The following RAVER1 variants were observed in gnomAD, a reference collection of about 807,000 sequenced individuals.
RAVER1 encodes ribonucleoprotein PTB-binding 1.
Under a neutral mutation model 68.4 loss-of-function variants are expected in RAVER1, and 36 were observed. That is an observed-to-expected ratio of 0.53 (90% CI 0.40 to 0.70). RAVER1 has a LOEUF of 0.70. RAVER1 is among the 30% of genes least tolerant of loss of function. The probability of loss-of-function intolerance (pLI) is 0.00; values close to 1 mark genes in which losing one functional copy is unlikely to be tolerated. For synonymous variants in RAVER1, 469 were observed against 472.7 expected, an observed-to-expected ratio of 0.99 and a Z score of 0.10; for missense variants, 933 against 1,019.8, an observed-to-expected ratio of 0.91 and a Z score of 1.16.
Position 10,328,216 on chromosome 19 carries a change from G to C in RAVER1, c.756+426C>G, listed in dbSNP as rs781095300. 1.5e-4 allele frequency among the ~76,000 whole-genome samples: 23 copies of C among 152,174 alleles called. No homozygotes were observed. Among genetic ancestry groups the C allele is most frequent in the Non-Finnish European group, 3.2e-4 (22 of 68,036 alleles). Reference sequence around the variant, plus strand: ...AGCCTCGAGATCCATAGTTACAAGAGTGGCCTTGCATGCATCTGATAGAGG... The same window carrying C: ...AGCCTCGAGATCCATAGTTACAAGACTGGCCTTGCATGCATCTGATAGAGG... On this transcript the variant is annotated intron_variant, in intron 3 of 12. Transcript: ENST00000617231. This position sits in a 1 kb window ranked among gnomAD's most constrained non-coding sequence, Gnocchi z 4.4.
chr19:10,324,002 G>C (rs1478804145), intron 3 of RAVER1, among the ~76,000 whole-genome samples: 1 of 152,060 alleles, frequency 6.6e-6, no homozygotes, highest in Non-Finnish European at 1.5e-5. Flanking sequence ...TACAAAATTA[G>C]CCAGGCGTGG....
rs2040400915 is a variant in RAVER1 at position 10,317,631 on chromosome 19, AGGGGCCGCTGG to A, written c.2074-42_2074-32del. On this transcript the variant is annotated intron_variant, in intron 12 of 12. Coordinates refer to ENST00000617231, the MANE Select transcript of RAVER1 (RefSeq NM_133452.3). This position sits in a 1 kb window ranked among gnomAD's most constrained non-coding sequence, Gnocchi z 4.3. ...GACAGAGGGCAGGGCGGGGCGGGTCAGGGGCCGCTGGGGGGCCGGGGCTTCCCAGCCCTGCA... is the reference window on the plus strand; with the variant it reads ...GACAGAGGGCAGGGCGGGGCGGGTCAGGGGCCGGGGCTTCCCAGCCCTGCA... 1.4e-6 allele frequency: 2 copies of A among 1,456,388 alleles called. No homozygotes were observed. Among genetic ancestry groups the A allele is most frequent in the Non-Finnish European group, 1.9e-6 (2 of 1,058,418 alleles). The allele number at this position is 1,456,388 out of a possible 1,614,324, so 90.2% of individuals were successfully genotyped here.
intron 1 of RAVER1, among the ~76,000 whole-genome samples, chr19:10,332,600 G>A (rs1233212324): frequency 6.6e-6 from 1 of 152,194 alleles, no homozygotes; most frequent in East Asian, 1.9e-4. Context: ...GGGCAGTATA[G>A]ATGCCATTTC....
chr19:10,316,572 C>CA lies in RAVER1; in HGVS notation c.*881dup, dbSNP rs2040389466. 1.3e-5 allele frequency: 13 copies of CA among 987,066 alleles called. No homozygotes were observed. In the African/African-American group the frequency reaches 2.1e-4, roughly 16 times the overall value. The allele number at this position is 987,066 out of a possible 1,614,324, so 61.1% of individuals were successfully genotyped here. ...GGGCACAATGTCCGACTCCCACAGA[C>CA]AGACAGCAGGGGACTGGCAGAGAAA... On this transcript the variant is annotated 3_prime_UTR_variant, in exon 13 of 13. Transcript: ENST00000617231.
Position 10,317,382 on chromosome 19 carries a change from C to A in RAVER1, c.*72G>T. The A allele has an allele frequency of 2.0e-6, 3 of 1,507,252 alleles. No individual in the cohort carries two copies. Among genetic ancestry groups the A allele is most frequent in the African/African-American group, 2.8e-5 (2 of 72,022 alleles). The allele number at this position is 1,507,252 out of a possible 1,614,324, so 93.4% of individuals were successfully genotyped here. ...AAGAGAGAAAATGGTTTAAAAAAAA[C>A]ACAAAACAAAACATCAGAAAACCCA... On this transcript the variant is annotated 3_prime_UTR_variant, in exon 13 of 13. Coordinates refer to ENST00000617231, the MANE Select transcript of RAVER1 (RefSeq NM_133452.3). The surrounding 1 kb of genome is among the most constrained non-coding windows in gnomAD (Gnocchi z 4.3).
rs182889318 is a variant in RAVER1, at chr19:10,316,622, G to C, written c.*832C>G. 2.4e-5 allele frequency: 23 copies of C among 969,928 alleles called. No individual in the cohort carries two copies. In the East Asian group the frequency reaches 7.9e-4, roughly 33 times the overall value. The allele number at this position is 969,928 out of a possible 1,614,324, so 60.1% of individuals were successfully genotyped here. A position where few individuals can be genotyped will look rare whatever the true frequency, so the allele number is the denominator to read the frequency against. On this transcript the variant is annotated 3_prime_UTR_variant, in exon 13 of 13. Coordinates refer to ENST00000617231, the MANE Select transcript of RAVER1 (RefSeq NM_133452.3). ...AGCCCATCTCTGCACGGAGGCCCGG[G>C]TAGGAGGGGGTGGTGGGGCCGGTTC...
At position 10,318,342 on chromosome 19, in the gene RAVER1, G is replaced by A. The variant is rs760988086; in HGVS notation, c.1876C>T (p.Arg626Trp). ...MSPPPSGFGE[R>W]SSGGSGGGPL... is the part of the protein sequence containing the mutation. The stretch of plus-strand genomic sequence containing the variant: ...CCCCCGCCACTCCCACCGCTGCTCC[G>A]TTCGCCGAAGCCACTGGGCGGGGGG... Residue 626 changes from arginine to tryptophan, a missense_variant, in exon 11 of 13, where the codon CGG becomes TGG. Arg to Trp is a moderately radical substitution (Grantham distance 101). This residue lies in a region of RAVER1 where 699 missense variants were observed against 731.1 expected (regional missense o/e 0.96). Coordinates refer to ENST00000617231, the MANE Select transcript of RAVER1 (RefSeq NM_133452.3). 18 of 1,601,968 alleles carry A rather than the reference G, an allele frequency of 1.1e-5. No individual in the cohort carries two copies. Among genetic ancestry groups the A allele is most frequent in the Admixed American group, 3.5e-5 (2 of 57,390 alleles).
chr19:10,328,593 G>T lies in RAVER1; in HGVS notation c.756+49C>A. ...GCAGATGACTCCAAAGACTCTCTCA[G>T]GTGCTCCGGGCCTGGCACCTGCTCC... On this transcript the variant is annotated intron_variant, in intron 3 of 12. Transcript: ENST00000617231. The surrounding 1 kb of genome is among the most constrained non-coding windows in gnomAD (Gnocchi z 4.4). 7.8e-7 allele frequency: 1 copy of T among 1,289,316 alleles called. No individual in the cohort carries two copies. Among genetic ancestry groups the T allele is most frequent in the Non-Finnish European group, 1.1e-6 (1 of 929,500 alleles). 79.9% of individuals were successfully genotyped at this position (1,289,316 alleles called of 1,614,324 possible). A position where few individuals can be genotyped will look rare whatever the true frequency, so the allele number is the denominator to read the frequency against.
chr19:10,317,052 T>TA lies in RAVER1; in HGVS notation c.*401dup, dbSNP rs71297583. ...GGAAACAGAAGTCAGTTGTCAAAGTTAAAAAAAAAGGAGACAGTCTCTGTA... is the reference window on the plus strand; with the variant it reads ...GGAAACAGAAGTCAGTTGTCAAAGTTAAAAAAAAAAGGAGACAGTCTCTGTA... On this transcript the variant is annotated 3_prime_UTR_variant, in exon 13 of 13. Transcript: ENST00000617231. This position sits in a 1 kb window ranked among gnomAD's most constrained non-coding sequence, Gnocchi z 4.3. 0.19 allele frequency: 40,504 copies of TA among 216,432 alleles called. 3,566 individuals carry two copies. The highest frequency in any genetic ancestry group is 0.3 in the Admixed American group (5,095 of 17,184). 13.4% of individuals were successfully genotyped at this position (216,432 alleles called of 1,614,324 possible). A position where few individuals can be genotyped will look rare whatever the true frequency, so the allele number is the denominator to read the frequency against.
At position 10,317,207 on chromosome 19, in the gene RAVER1, CG is replaced by C; in HGVS notation, c.*246del. 1.9e-6 allele frequency: 1 copy of C among 535,986 alleles called. No individual in the cohort carries two copies. 33.2% of individuals were successfully genotyped at this position (535,986 alleles called of 1,614,324 possible). A position where few individuals can be genotyped will look rare whatever the true frequency, so the allele number is the denominator to read the frequency against. On this transcript the variant is annotated 3_prime_UTR_variant, in exon 13 of 13. Transcript: ENST00000617231. The surrounding 1 kb of genome is among the most constrained non-coding windows in gnomAD (Gnocchi z 4.3). Reference sequence around the variant, plus strand: ...ATGGGGGGAGGGAGGGAGAGCAGGCCGGGGCCCCTCTCTCTTAAGGCTGCAG... The same window carrying C: ...ATGGGGGGAGGGAGGGAGAGCAGGCCGGGCCCCTCTCTCTTAAGGCTGCAG...
chr19:10,321,186 A>T lies in RAVER1; in HGVS notation c.1335T>A (p.Pro445=). The part of the protein sequence containing the change: ...PPPLLPSVLG[P]AGGDREALGL... The stretch of plus-strand genomic sequence containing the variant: ...CCAGGGCCTCCCGGTCACCCCCAGC[A>T]GGGCCAAGCACGGATGGCAGCAGGG... The change falls in exon 8 of 13, where the codon CCT becomes CCA. Residue 445 remains proline (P), a synonymous_variant. Coordinates refer to ENST00000617231, the MANE Select transcript of RAVER1 (RefSeq NM_133452.3). 1 of 1,289,148 alleles carries T rather than the reference A, an allele frequency of 7.8e-7. No homozygotes were observed. The highest frequency in any genetic ancestry group is 9.8e-7 in the Non-Finnish European group (1 of 1,015,614). 79.9% of individuals were successfully genotyped at this position (1,289,148 alleles called of 1,614,324 possible).
intron 9 of RAVER1, 84 bp downstream of exon 9, chr19:10,320,571 G>A: frequency 1.6e-6 from 2 of 1,263,256 alleles, no homozygotes; most frequent in Non-Finnish European, 2.2e-6. Flanking sequence ...CTAGCACATG[G>A]CCTGGCATAG....
chr19:10,330,690 C>G lies in RAVER1; in HGVS notation c.220-164G>C, dbSNP rs536710430. ...ATGCAGTAATTTTGTCAAGGTCATTCTGCTCATACCTGGCAGAGATGGGAT... is the reference window on the plus strand; with the variant it reads ...ATGCAGTAATTTTGTCAAGGTCATTGTGCTCATACCTGGCAGAGATGGGAT... On this transcript the variant is annotated intron_variant, in intron 1 of 12. Coordinates refer to ENST00000617231, the MANE Select transcript of RAVER1 (RefSeq NM_133452.3). 2.6e-5 allele frequency among the ~76,000 whole-genome samples: 4 copies of G among 152,346 alleles called. No individual in the cohort carries two copies. In the East Asian group the frequency reaches 7.7e-4, roughly 29 times the overall value.
rs555320252 is a variant in RAVER1 at position 10,317,757 on chromosome 19, G to A, written c.2006C>T (p.Pro669Leu). Residue 669 changes from proline (P) to leucine (L), a missense_variant, in exon 12 of 13, where the codon CCG becomes CTG. Pro to Leu is a moderately conservative substitution (Grantham distance 98). Around this residue, in one of 3 missense-constraint regions of RAVER1, gnomAD observed 699 missense variants for 731.1 expected, o/e 0.96. Transcript: ENST00000617231. This position sits in a 1 kb window ranked among gnomAD's most constrained non-coding sequence, Gnocchi z 4.3. ...CAGGAGCCCTTCTCCGGACCCCAGC[G>A]GGGAAGAGCCGATTGCCTGGGAGAA... ...SHLSKAIGSSPLGSGEGLLGL... is the reference protein window; with the variant it reads ...SHLSKAIGSSLLGSGEGLLGL... 24 of 1,589,800 alleles carry A rather than the reference G, an allele frequency of 1.5e-5. No individual in the cohort carries two copies. The highest frequency in any genetic ancestry group is 1.1e-4 in the African/African-American group (8 of 74,658).
In RAVER1 at chr19:10,329,266, G is replaced by A. The variant is rs981108160; in HGVS notation, c.287-155C>T. On this transcript the variant is annotated intron_variant, in intron 2 of 12. Transcript: ENST00000617231. The surrounding 1 kb of genome is among the most constrained non-coding windows in gnomAD (Gnocchi z 4.6). ...GCCAGCCTTGGCGACTCACACAGGC[G>A]AGAGCGCCTGCCATTGACTCTAGGC... is the stretch of plus-strand genomic sequence containing the variant. Among the ~76,000 whole-genome samples the A allele has an allele frequency of 2.6e-5, 4 of 152,214 alleles. No homozygotes were observed. The highest frequency in any genetic ancestry group is 6.5e-5 in the Admixed American group (1 of 15,280).
chr19:10,333,283 C>A lies in RAVER1; in HGVS notation c.219+6G>T, dbSNP rs746120264. ...CGCCACGCTCCTACACCGCCCCCCC[C>A]AATACCTGGTTGGTCACGTCCCCCG... On this transcript the variant is annotated splice_donor_region_variant and intron_variant, in intron 1 of 12. Coordinates refer to ENST00000617231, the MANE Select transcript of RAVER1 (RefSeq NM_133452.3). The surrounding 1 kb of genome is among the most constrained non-coding windows in gnomAD (Gnocchi z 4.2). 6.2e-6 allele frequency: 10 copies of A among 1,612,296 alleles called. No individual in the cohort carries two copies. Among genetic ancestry groups the A allele is most frequent in the African/African-American group, 2.7e-5 (2 of 74,854 alleles).
chr19:10,323,159 G>A lies in RAVER1; in HGVS notation c.1064C>T (p.Ala355Val), dbSNP rs372169479. 66 of 1,603,340 alleles carry A rather than the reference G, an allele frequency of 4.1e-5. 1 individual carries two copies. In the African/African-American group the frequency reaches 5.1e-4, roughly 12 times the overall value. Residue 355 changes from alanine (A) to valine (V), a missense_variant, in exon 5 of 13, where the codon GCG becomes GTG. Physicochemically the swap from Ala to Val is moderately conservative, Grantham distance 64. Transcript: ENST00000617231. This position sits in a 1 kb window ranked among gnomAD's most constrained non-coding sequence, Gnocchi z 6.2. Reference protein sequence around the residue: ...LLLNPLLHGSAGGKQGLLGAP... With the variant: ...LLLNPLLHGSVGGKQGLLGAP... ...CCCCACCTTACCCTGCTTCCCCCCC[G>A]CACTGCCATGGAGCAGGGGGTTGAG... is the stretch of plus-strand genomic sequence containing the variant.
chr19:10,329,624 T>G lies in RAVER1; in HGVS notation c.287-513A>C, dbSNP rs2040499598. 6.6e-6 allele frequency among the ~76,000 whole-genome samples: 1 copy of G among 151,610 alleles called. No homozygotes were observed. Among genetic ancestry groups the G allele is most frequent in the African/African-American group, 2.4e-5 (1 of 41,360 alleles). ...AGGCAGCCGGACTCCAGAGGCCCAC[T>G]CTACACACTGCCCACCCCTGCCACC... On this transcript the variant is annotated intron_variant, in intron 2 of 12. Coordinates refer to ENST00000617231, the MANE Select transcript of RAVER1 (RefSeq NM_133452.3). The surrounding 1 kb of genome is among the most constrained non-coding windows in gnomAD (Gnocchi z 4.6).
chr19:10,318,182 T>G, intron 11 of RAVER1, 47 bp downstream of exon 11: 1 of 1,531,280 alleles, frequency 6.5e-7, no homozygotes, highest in Non-Finnish European at 8.8e-7. Flanking sequence ...CACCCCCAAA[T>G]CCTAGCTGTC....
Sources: allele counts gnomAD v4.1 joint callset (sites outside exome capture counted in the v4.1 genomes callset), GRCh38; gene constraint gnomAD v4.1.1; regional missense constraint gnomAD v4.1.1; non-coding constraint Gnocchi (gnomAD v3.1); transcripts MANE v1.5; gene names NCBI Gene and HGNC (gene_info 2026-07-23, HGNC 2026-07-21).